ZFP2: variants seen among roughly 807,000 people sequenced by gnomAD.
ZFP2 encodes ZFP2 zinc finger protein.
In ZFP2, 33 loss-of-function variants were observed where a neutral mutation model predicts 36.1. That is an observed-to-expected ratio of 0.92 (90% CI 0.69 to 1.22). ZFP2 has a LOEUF of 1.22. Among genes scored for constraint, ZFP2 ranks in the 50% most tolerant of loss-of-function variants. ZFP2 has a pLI of 0.00. For missense variants in ZFP2, 522 were observed against 551.4 expected (o/e 0.95, Z 0.53); for synonymous variants, 170 against 178.0 (o/e 0.96, Z 0.36).
At chr5:178,898,788 C>T (rs1164122470) in intron 1 of ZFP2, among the ~76,000 whole-genome samples, 1 of 152,240 alleles carries the variant, frequency 6.6e-6, no homozygotes, top group East Asian at 1.9e-4. Flanking sequence ...TTTCACAAAG[C>T]CCCCTCTGTG....
intron 4 of ZFP2, among the ~76,000 whole-genome samples, chr5:178,929,060 G>C (rs932713806): frequency 2.0e-5 from 3 of 152,202 alleles, no homozygotes; most frequent in African/African-American, 7.2e-5. Context: ...GCCGTGGGTG[G>C]ATCTGGAGTA....
At chr5:178,912,109 G>A (rs1758309654) in intron 1 of ZFP2, among the ~76,000 whole-genome samples, 2 of 152,230 alleles carry the variant, frequency 1.3e-5, no homozygotes, top group Middle Eastern at 3.4e-3. Flanking sequence ...CTCCAGCCTC[G>A]GCTACAGAGC....
rs148552272 is a variant in ZFP2, at chr5:178,927,817, G to A, written c.-77-3420G>A. Among the ~76,000 whole-genome samples, 179 of 151,788 alleles carry A rather than the reference G, an allele frequency of 1.2e-3. 6 individuals carry two copies. In the East Asian group the frequency reaches 0.031, roughly 26 times the overall value. On this transcript the variant is annotated intron_variant, in intron 4 of 4. Transcript: ENST00000361362. The stretch of plus-strand genomic sequence containing the variant: ...CTCCCAAAGCGCTGGGATTACAGCC[G>A]TGAGCCACCAAGCCTGGCTGAGTCT...
chr5:178,925,941 G>A (rs1484900660), intron 4 of ZFP2, among the ~76,000 whole-genome samples: 2 of 148,716 alleles, frequency 1.3e-5, no homozygotes, highest in African/African-American at 4.9e-5. Flanking sequence ...TTGAACTCCC[G>A]GGCTCAGGCG....
At position 178,899,488 on chromosome 5, in the gene ZFP2, G is replaced by T. The variant is rs191756799; in HGVS notation, c.-450+3514G>T. On this transcript the variant is annotated intron_variant, in intron 1 of 4. Transcript: ENST00000361362. Reference sequence around the variant, plus strand: ...ATAGACTTTTAGAGGTGGACTGAAGGGGGCAGTGACTGATAGTGAGAAATG... The same window carrying T: ...ATAGACTTTTAGAGGTGGACTGAAGTGGGCAGTGACTGATAGTGAGAAATG... Among the ~76,000 whole-genome samples the T allele has an allele frequency of 3.3e-5, 5 of 152,196 alleles. No individual in the cohort carries two copies. The East Asian group carries it at 7.8e-4, about 24-fold the overall frequency.
chr5:178,927,663 A>ATGTGTGTGTGTG lies in ZFP2; in HGVS notation c.-77-3536_-77-3525dup, dbSNP rs33974182. 1.2e-3 allele frequency among the ~76,000 whole-genome samples: 115 copies of ATGTGTGTGTGTG among 92,554 alleles called. 1 individual carries two copies. The highest frequency in any genetic ancestry group is 3.7e-3 in the South Asian group (8 of 2,154). The allele number at this position is 92,554 out of a possible 152,430, so 60.7% of individuals were successfully genotyped here. On this transcript the variant is annotated intron_variant, in intron 4 of 4. Coordinates refer to ENST00000361362, the MANE Select transcript of ZFP2 (RefSeq NM_030613.4). ...AGGTGCACACCATCATACCTGGCCA[A>ATGTGTGTGTGTG]TGTGTGTGTGTGTGTGTGTGTGTGT... is the stretch of plus-strand genomic sequence containing the variant.
At chr5:178,922,333 T>G (rs1228052123) in intron 4 of ZFP2, 1 of 964,624 alleles carries the variant, frequency 1.0e-6, no homozygotes, top group African/African-American at 1.6e-5. Flanking sequence ...TTCTTATGTC[T>G]TGTTTCTCCT....
Position 178,932,878 on chromosome 5 carries a change from C to T in ZFP2, c.*179C>T, listed in dbSNP as rs1192231617. The T allele has an allele frequency of 2.5e-6, 2 of 787,882 alleles. No homozygotes were observed. The highest frequency in any genetic ancestry group is 1.8e-5 in the African/African-American group (1 of 56,962). The allele number at this position is 787,882 out of a possible 1,614,324, so 48.8% of individuals were successfully genotyped here. On this transcript the variant is annotated 3_prime_UTR_variant, in exon 5 of 5. Coordinates refer to ENST00000361362, the MANE Select transcript of ZFP2 (RefSeq NM_030613.4). ...ATCTAAAAGTAGAGAAATCTTGATTCAGAATGTATAATTTCCTTTATATCA... is the reference window on the plus strand; with the variant it reads ...ATCTAAAAGTAGAGAAATCTTGATTTAGAATGTATAATTTCCTTTATATCA...
chr5:178,928,422 G>C (rs985628531), intron 4 of ZFP2, among the ~76,000 whole-genome samples: 3 of 152,152 alleles, frequency 2.0e-5, no homozygotes, highest in African/African-American at 7.2e-5. Flanking sequence ...GATATACTGG[G>C]GGTATAGGCA....
intron 4 of ZFP2, 91 bp downstream of exon 4, chr5:178,916,801 T>C: frequency 1.1e-6 from 1 of 936,240 alleles, no homozygotes; most frequent in Non-Finnish European, 1.3e-6. Context: ...TTTTGTTTTG[T>C]TGGTTTTTTA....
Position 178,895,925 on chromosome 5 carries a change from C to G in ZFP2, c.-499C>G, listed in dbSNP as rs1757924155. On this transcript the variant is annotated 5_prime_UTR_variant, in exon 1 of 5. Coordinates refer to ENST00000361362, the MANE Select transcript of ZFP2 (RefSeq NM_030613.4). ...AGTCTGGCGCTCCGGGCTGTAAGCG[C>G]CGGTCGCGGCTGTGTCGGTCGCCGC... The G allele has an allele frequency of 6.6e-6, 1 of 152,342 alleles. No homozygotes were observed. Among genetic ancestry groups the G allele is most frequent in the East Asian group, 1.9e-4 (1 of 5,190 alleles). The allele number at this position is 152,342 out of a possible 1,614,324, so 9.4% of individuals were successfully genotyped here.
intron 3 of ZFP2, 78 bp downstream of exon 3, chr5:178,913,149 G>C (rs1357565330): frequency 3.0e-5 from 24 of 799,064 alleles, no homozygotes; most frequent in Non-Finnish European, 3.6e-5. Context: ...TGGGTCTCTG[G>C]AGAGACTAGG....
chr5:178,915,775 A>G (rs1423870604), intron 3 of ZFP2: 1 of 152,160 alleles, frequency 6.6e-6, no homozygotes, highest in African/African-American at 2.4e-5. Flanking sequence ...GGTTGCGGTA[A>G]GCTGAGATTG....
At position 178,913,082 on chromosome 5, in the gene ZFP2, G is replaced by A. The variant is rs1758330435; in HGVS notation, c.-224+11G>A. The A allele has an allele frequency of 1.0e-6, 1 of 985,176 alleles. No individual in the cohort carries two copies. The highest frequency in any genetic ancestry group is 1.2e-6 in the Non-Finnish European group (1 of 829,308). The allele number at this position is 985,176 out of a possible 1,614,324, so 61.0% of individuals were successfully genotyped here. A position where few individuals can be genotyped will look rare whatever the true frequency, so the allele number is the denominator to read the frequency against. ...AGGGTGGCTTTCGAGGTAAGTGCCA[G>A]GCTGTGCAGACTTGTTAAATGAGTG... is the stretch of plus-strand genomic sequence containing the variant. On this transcript the variant is annotated intron_variant, in intron 3 of 4. Transcript: ENST00000361362.
chr5:178,897,583 GTTAC>G (rs1192790036), intron 1 of ZFP2, among the ~76,000 whole-genome samples: 1 of 152,014 alleles, frequency 6.6e-6, no homozygotes, highest in Admixed American at 6.5e-5. Context: ...TTTGTTACAA[GTTAC>G]TTAGTAATTT....
intron 4 of ZFP2, among the ~76,000 whole-genome samples, chr5:178,919,498 CTAG>C (rs1023671545): frequency 5.9e-5 from 9 of 152,226 alleles, no homozygotes; most frequent in African/African-American, 1.9e-4. Flanking sequence ...ATATAGAACT[CTAG>C]GTTTATGGTT....
chr5:178,927,084 G>A (rs1758690094), intron 4 of ZFP2, among the ~76,000 whole-genome samples: 2 of 152,162 alleles, frequency 1.3e-5, no homozygotes, highest in Admixed American at 1.3e-4. Flanking sequence ...TCAGGTTGCA[G>A]TGCCAGTCCT....
chr5:178,913,544 G>A (rs2113086571), intron 3 of ZFP2, among the ~76,000 whole-genome samples: 1 of 152,280 alleles, frequency 6.6e-6, no homozygotes, highest in South Asian at 2.1e-4. Flanking sequence ...CATTGTGTGA[G>A]AGAGTTTTAG....
At chr5:178,913,832 A>G (rs572931797) in intron 3 of ZFP2, 2 of 151,082 alleles carry the variant, frequency 1.3e-5, no homozygotes, top group Admixed American at 6.6e-5. Flanking sequence ...ACCATGTGCA[A>G]AAGTACCAAT....
Sources: gnomAD v4.1 joint callset for allele counts (sites outside exome capture counted in the v4.1 genomes callset) on GRCh38, gnomAD v4.1.1 for gene constraint, MANE v1.5 for transcripts, NCBI Gene and HGNC (gene_info 2026-07-23, HGNC 2026-07-21) for gene names.